Variants in PALLD observed in about 807,000 individuals in gnomAD.
PALLD encodes the protein palladin, cytoskeletal associated protein, also known as palladin.
A neutral mutation model predicts 123.5 loss-of-function variants in PALLD; 61 were observed. That is an observed-to-expected ratio of 0.49 (90% CI 0.40 to 0.61). The LOEUF is 0.61. PALLD is among the 20% of genes least tolerant of loss of function. The pLI is 0.00. For synonymous variants in PALLD, 465 were observed against 496.4 expected, an observed-to-expected ratio of 0.94 and a Z score of 0.84; for missense variants, 1,273 against 1,377.0, an observed-to-expected ratio of 0.92 and a Z score of 1.20.
At chr4:168,735,682 A>G (rs1787675595) in intron 10 of PALLD, among the ~76,000 whole-genome samples, 1 of 152,128 alleles carries the variant, frequency 6.6e-6, no homozygotes, top group Non-Finnish European at 1.5e-5. Context: ...ATAGTCAACA[A>G]TCATGTTGGT....
At chr4:168,575,470 T>C (rs1421448973) in intron 2 of PALLD, among the ~76,000 whole-genome samples, 1 of 152,006 alleles carries the variant, frequency 6.6e-6, no homozygotes, top group Non-Finnish European at 1.5e-5. Context: ...GCCCCCATGA[T>C]CCAATCATCT....
chr4:168,794,643 C>G (rs1450911615), intron 10 of PALLD, among the ~76,000 whole-genome samples: 2 of 152,116 alleles, frequency 1.3e-5, no homozygotes, highest in Admixed American at 6.5e-5. Flanking sequence ...ACACGTCCGT[C>G]TTTTAGCCTC....
Position 168,729,579 on chromosome 4 carries a change from C to G in PALLD, c.1964+17656C>G, listed in dbSNP as rs73864631. Reference sequence around the variant, plus strand: ...TCCCCATCATTCATTCCACCCTTGACTACTGCTCCCTAGGATCAATGCACA... The same window carrying G: ...TCCCCATCATTCATTCCACCCTTGAGTACTGCTCCCTAGGATCAATGCACA... On this transcript the variant is annotated intron_variant, in intron 10 of 21. Coordinates refer to ENST00000505667, the MANE Select transcript of PALLD (RefSeq NM_001166108.2). Among the ~76,000 whole-genome samples the G allele has an allele frequency of 6.4e-3, 978 of 152,288 alleles. 14 individuals carry two copies. Among genetic ancestry groups the G allele is most frequent in the African/African-American group, 0.022 (921 of 41,568 alleles).
chr4:168,783,421 T>G (rs936268756), intron 10 of PALLD, among the ~76,000 whole-genome samples: 1 of 151,900 alleles, frequency 6.6e-6, no homozygotes. Flanking sequence ...TCTAGATGAG[T>G]CCTGAGGGCC....
At chr4:168,635,858 G>A (rs1304063649) in intron 2 of PALLD, among the ~76,000 whole-genome samples, 1 of 152,162 alleles carries the variant, frequency 6.6e-6, no homozygotes, top group Non-Finnish European at 1.5e-5. Context: ...AATTAGTGTG[G>A]CACCTGATGA....
At chr4:168,795,507 A>G (rs867523489) in intron 10 of PALLD, among the ~76,000 whole-genome samples, 27 of 152,204 alleles carry the variant, frequency 1.8e-4, no homozygotes, top group African/African-American at 6.5e-4. Flanking sequence ...GAGGTTTTCC[A>G]GTTGTCCACC....
intron 10 of PALLD, among the ~76,000 whole-genome samples, chr4:168,881,189 GC>G (rs1203660481): frequency 6.6e-6 from 1 of 152,176 alleles, no homozygotes; most frequent in Non-Finnish European, 1.5e-5. Flanking sequence ...ACAGGCCTGA[GC>G]CACTGTGTCC....
chr4:168,750,462 A>T (rs981876717), intron 10 of PALLD, among the ~76,000 whole-genome samples: 1 of 152,170 alleles, frequency 6.6e-6, no homozygotes, highest in African/African-American at 2.4e-5. Context: ...TTCTGTCTAC[A>T]CTGAAGGCCA....
intron 10 of PALLD, among the ~76,000 whole-genome samples, chr4:168,788,736 G>A (rs1420204948): frequency 6.6e-6 from 1 of 151,850 alleles, no homozygotes; most frequent in African/African-American, 2.4e-5. Context: ...GGAATACATG[G>A]GGAATCTCTG....
intron 2 of PALLD, among the ~76,000 whole-genome samples, chr4:168,571,019 T>G (rs1768923451): frequency 6.6e-6 from 1 of 152,200 alleles, no homozygotes; most frequent in African/African-American, 2.4e-5. Flanking sequence ...ATTTTTATTC[T>G]CTGGAGCTTA....
At chr4:168,665,759 C>T (rs1049478696) in intron 2 of PALLD, among the ~76,000 whole-genome samples, 8 of 152,146 alleles carry the variant, frequency 5.3e-5, no homozygotes, top group Admixed American at 1.3e-4. Flanking sequence ...TTCTAACAAG[C>T]TTCCAGGTGA....
chr4:168,572,638 C>G (rs1769115185), intron 2 of PALLD, among the ~76,000 whole-genome samples: 1 of 151,880 alleles, frequency 6.6e-6, no homozygotes, highest in South Asian at 2.1e-4. Context: ...AATGGCACCA[C>G]CATCTAGCCA....
intron 2 of PALLD, among the ~76,000 whole-genome samples, chr4:168,639,970 A>T (rs530631316): frequency 6.6e-6 from 1 of 152,084 alleles, no homozygotes; most frequent in Non-Finnish European, 1.5e-5. Flanking sequence ...CAATTTCATC[A>T]TCTTTATTTC....
chr4:168,549,486 A>C (rs1766506335), intron 2 of PALLD, among the ~76,000 whole-genome samples: 1 of 152,238 alleles, frequency 6.6e-6, no homozygotes, highest in South Asian at 2.1e-4. Context: ...CATTAAAATC[A>C]ACTACTCAAT....
In PALLD at chr4:168,927,833, G is replaced by A. The variant is rs1762747671; in HGVS notation, c.*1653G>A. 4.7e-6 allele frequency: 1 copy of A among 213,802 alleles called. No individual in the cohort carries two copies. Among genetic ancestry groups the A allele is most frequent in the Non-Finnish European group, 9.5e-6 (1 of 105,528 alleles). 13.2% of individuals were successfully genotyped at this position (213,802 alleles called of 1,614,324 possible). A position where few individuals can be genotyped will look rare whatever the true frequency, so the allele number is the denominator to read the frequency against. ...AAAGGAGAAAAAATAATTTGACCTAGTAGTATAAAACATGAGGCTTTAATG... is the reference window on the plus strand; with the variant it reads ...AAAGGAGAAAAAATAATTTGACCTAATAGTATAAAACATGAGGCTTTAATG... On this transcript the variant is annotated 3_prime_UTR_variant, in exon 22 of 22. Transcript: ENST00000505667.
intron 10 of PALLD, among the ~76,000 whole-genome samples, chr4:168,770,565 T>G (rs931608143): frequency 1.3e-5 from 2 of 152,234 alleles, no homozygotes; most frequent in African/African-American, 4.8e-5. Flanking sequence ...GTGGTTTTCA[T>G]AGAGCATTCA....
chr4:168,672,397 C>A (rs1461445791), intron 3 of PALLD, among the ~76,000 whole-genome samples: 1 of 151,844 alleles, frequency 6.6e-6, no homozygotes, highest in Non-Finnish European at 1.5e-5. Flanking sequence ...CTTCCCATTC[C>A]CCCCTTCTCC....
At chr4:168,870,345 G>GA (rs1302854206) in intron 10 of PALLD, among the ~76,000 whole-genome samples, 10 of 152,152 alleles carry the variant, frequency 6.6e-5, no homozygotes, top group Middle Eastern at 3.4e-3. Context: ...TCTGTCTTAA[G>GA]AAAAAAATGC....
Position 168,741,156 on chromosome 4 carries a change from G to A in PALLD, c.1964+29233G>A, listed in dbSNP as rs374554505. On this transcript the variant is annotated intron_variant, in intron 10 of 21. Coordinates refer to ENST00000505667, the MANE Select transcript of PALLD (RefSeq NM_001166108.2). ...AAAACTAAATCAAACTCTGGATGGC[G>A]GATCACTCTTATCCAGTTGGTACTG... Among the ~76,000 whole-genome samples, 11 of 152,150 alleles carry A rather than the reference G, an allele frequency of 7.2e-5. No individual in the cohort carries two copies. In the East Asian group the frequency reaches 7.7e-4, roughly 11 times the overall value.
Sources: gnomAD v4.1 joint callset for allele counts (sites outside exome capture counted in the v4.1 genomes callset) on GRCh38, gnomAD v4.1.1 for gene constraint, MANE v1.5 for transcripts, NCBI Gene and HGNC (gene_info 2026-07-23, HGNC 2026-07-21) for gene names.